The following SLC26A5 variants were observed in gnomAD, a reference collection of about 807,000 sequenced individuals.
The protein encoded by SLC26A5 is prestin.
In SLC26A5, 51 loss-of-function variants were observed where a neutral mutation model predicts 81.0. The observed-to-expected ratio is 0.63, with a 90% CI of 0.50 to 0.80. SLC26A5 has a LOEUF of 0.80. Among genes scored for constraint, SLC26A5 ranks in the 30% least tolerant of loss-of-function variants. SLC26A5 has a pLI of 0.00. For synonymous variants in SLC26A5, 325 were observed against 332.8 expected, an observed-to-expected ratio of 0.98 and a Z score of 0.25; for missense variants, 771 against 905.8, an observed-to-expected ratio of 0.85 and a Z score of 1.91.
intron 16 of SLC26A5, 80 bp from the exon 17 acceptor site, chr7:103,378,633 C>T: frequency 8.2e-7 from 1 of 1,222,450 alleles, no homozygotes; most frequent in Non-Finnish European, 1.2e-6. Flanking sequence ...TTCAAATCTC[C>T]CCATTTAACT....
intron 19 of SLC26A5, among the ~76,000 whole-genome samples, chr7:103,355,385 G>A (rs1297202434): frequency 6.6e-6 from 1 of 152,050 alleles, no homozygotes; most frequent in East Asian, 1.9e-4. Flanking sequence ...TATATTTTTG[G>A]CTTGACAATT....
intron 14 of SLC26A5, among the ~76,000 whole-genome samples, chr7:103,386,848 C>T (rs190940050): frequency 5.5e-4 from 83 of 152,032 alleles, no homozygotes; most frequent in Non-Finnish European, 1.0e-3. Flanking sequence ...CTGCAACCTC[C>T]ACCTCCTGGG....
At chr7:103,426,694 C>A (rs1000819186) in intron 2 of SLC26A5, among the ~76,000 whole-genome samples, 1 of 152,084 alleles carries the variant, frequency 6.6e-6, no homozygotes, top group Non-Finnish European at 1.5e-5. Flanking sequence ...GCTGTCCTTT[C>A]GGGGGACTTT....
intron 19 of SLC26A5, among the ~76,000 whole-genome samples, chr7:103,375,591 AATTATT>A (rs1161862100): frequency 6.6e-6 from 1 of 151,798 alleles, no homozygotes; most frequent in Admixed American, 6.6e-5. Flanking sequence ...CACTTTTTAA[AATTATT>A]ATTATTTTTT....
In SLC26A5 at chr7:103,438,445, C is replaced by G. The variant is rs192602308; in HGVS notation, c.-54+4638G>C. 1.9e-3 allele frequency among the ~76,000 whole-genome samples: 289 copies of G among 151,460 alleles called. 1 individual carries two copies. The highest frequency in any genetic ancestry group is 0.01 in the Middle Eastern group (3 of 294). On this transcript the variant is annotated intron_variant, in intron 2 of 19. Transcript: ENST00000306312. ...TCGACTCACTGCAACCTCTGCCTCC[C>G]AGGTTCAAGCAATTCTCCTCCCTCA... is the stretch of plus-strand genomic sequence containing the variant.
At chr7:103,433,391 G>T (rs1826217695) in intron 2 of SLC26A5, 1 of 152,078 alleles carries the variant, frequency 6.6e-6, no homozygotes, top group South Asian at 2.1e-4. Context: ...TGTCCTGGAG[G>T]GAGATCTGAA....
At chr7:103,428,511 ATTT>A (rs1322503786) in intron 2 of SLC26A5, among the ~76,000 whole-genome samples, 3 of 150,560 alleles carry the variant, frequency 2.0e-5, no homozygotes, top group Admixed American at 6.6e-5. Flanking sequence ...TTTTCTCTTA[ATTT>A]ATTATTATTT....
intron 1 of SLC26A5, among the ~76,000 whole-genome samples, chr7:103,444,270 TTTC>T (rs771919883): frequency 1.6e-4 from 24 of 152,202 alleles, no homozygotes; most frequent in African/African-American, 3.4e-4. Flanking sequence ...TCATCTTATT[TTTC>T]TTAACTTTAT....
At chr7:103,389,271 A>G (rs1822450008) in intron 13 of SLC26A5, 58 bp downstream of exon 13, 2 of 1,346,746 alleles carry the variant, frequency 1.5e-6, no homozygotes, top group Non-Finnish European at 2.1e-6. Context: ...CATTTTTCTT[A>G]GCACTAATCA....
At chr7:103,423,233 T>C (rs939967183) in intron 2 of SLC26A5, among the ~76,000 whole-genome samples, 11 of 152,016 alleles carry the variant, frequency 7.2e-5, no homozygotes, top group Non-Finnish European at 1.5e-4. Flanking sequence ...GATCGCGCCA[T>C]TGTACTCCAG....
intron 19 of SLC26A5, chr7:103,364,256 G>A (rs144680798): frequency 5.7e-4 from 921 of 1,614,200 alleles, no homozygotes; most frequent in Non-Finnish European, 6.9e-4. Flanking sequence ...GGACTGATGC[G>A]TGCTTCATTC....
At chr7:103,391,777 C>G (rs1164463340) in intron 10 of SLC26A5, 42 bp from the exon 11 acceptor site, 1 of 1,524,290 alleles carries the variant, frequency 6.6e-7, no homozygotes, top group Non-Finnish European at 9.0e-7. Context: ...ATAGGTCATT[C>G]TTCAGGAAAA....
At chr7:103,410,108 T>C (rs192751239) in intron 7 of SLC26A5, among the ~76,000 whole-genome samples, 1 of 152,332 alleles carries the variant, frequency 6.6e-6, no homozygotes, top group Admixed American at 6.5e-5. Context: ...AAAAGCTCTC[T>C]CTTTACCTAG....
At chr7:103,445,957 A>G (rs1250771991) in intron 1 of SLC26A5, 141 bp downstream of exon 1, 1 of 152,442 alleles carries the variant, frequency 6.6e-6, no homozygotes, top group Non-Finnish European at 1.5e-5. Context: ...GTTTAGGGAA[A>G]AAGCGCGACA....
At chr7:103,422,824 A>T (rs1475302728) in intron 2 of SLC26A5, among the ~76,000 whole-genome samples, 1 of 152,176 alleles carries the variant, frequency 6.6e-6, no homozygotes, top group Non-Finnish European at 1.5e-5. Context: ...GAAGGAAGTT[A>T]ATGGCAGAGC....
At position 103,367,221 on chromosome 7, in the gene SLC26A5, T is replaced by G. The variant is rs1243421711; in HGVS notation, c.2041+9587A>C. 2.0e-5 allele frequency among the ~76,000 whole-genome samples: 3 copies of G among 151,058 alleles called. No individual in the cohort carries two copies. The highest frequency in any genetic ancestry group is 7.4e-5 in the African/African-American group (3 of 40,590). On this transcript the variant is annotated intron_variant, in intron 19 of 19. Transcript: ENST00000339444. The surrounding 1 kb of genome is among the most constrained non-coding windows in gnomAD (Gnocchi z 6.1). ...CGTTAAGTAAATCTGTGATGAATAC[T>G]TTTGAAAGCAAAGATTCACTTTCTA... is the stretch of plus-strand genomic sequence containing the variant.
intron 19 of SLC26A5, chr7:103,363,588 TG>T (rs1401398073): frequency 1.4e-6 from 1 of 697,018 alleles, no homozygotes; most frequent in Non-Finnish European, 2.4e-6. Context: ...TGTGGAGAGT[TG>T]GTAAGTTCTA....
At chr7:103,415,079 G>T in intron 4 of SLC26A5, among the ~76,000 whole-genome samples, 1 of 152,116 alleles carries the variant, frequency 6.6e-6, no homozygotes, top group Middle Eastern at 3.2e-3. Context: ...TCAGCTTTGG[G>T]GGCTCAGCCA....
downstream of SLC26A5, among the ~76,000 whole-genome samples, chr7:103,370,983 CAT>C (rs1820999654): frequency 6.6e-6 from 1 of 152,100 alleles, no homozygotes; most frequent in Admixed American, 6.6e-5. Flanking sequence ...GGTGGAAAAA[CAT>C]AGAAGATACA....
Sources: gnomAD v4.1 joint callset for allele counts (sites outside exome capture counted in the v4.1 genomes callset) on GRCh38, gnomAD v4.1.1 for gene constraint, Gnocchi (gnomAD v3.1) non-coding constraint, MANE v1.5 for transcripts, NCBI Gene and HGNC (gene_info 2026-07-23, HGNC 2026-07-21) for gene names.